Variants in MFSD8 observed in about 807,000 individuals in gnomAD.
MFSD8 encodes major facilitator superfamily domain-containing protein 8.
A neutral mutation model predicts 66.4 loss-of-function variants in MFSD8; 55 were observed. The ratio of observed to expected loss-of-function variants is 0.83; its 90% CI spans 0.67 to 1.04. MFSD8 has a LOEUF of 1.04. Among genes scored for constraint, MFSD8 ranks in the 50% least tolerant of loss-of-function variants. The probability of loss-of-function intolerance (pLI) is 0.00; values close to 1 mark genes in which losing one functional copy is unlikely to be tolerated. For missense variants in MFSD8, 550 were observed against 627.6 expected (o/e 0.88, Z 1.32); for synonymous variants, 202 against 212.8 (o/e 0.95, Z 0.44).
At chr4:127,934,497 C>T (rs1469145490) in intron 7 of MFSD8, 1 of 151,744 alleles carries the variant, frequency 6.6e-6, no homozygotes, top group East Asian at 1.9e-4. Flanking sequence ...ATATTCATCA[C>T]ACTGTTTTGT....
intron 3 of MFSD8, among the ~76,000 whole-genome samples, chr4:127,947,893 C>A (rs1003695098): frequency 4.0e-5 from 6 of 149,846 alleles, no homozygotes; most frequent in Non-Finnish European, 7.4e-5. Context: ...CACACACACA[C>A]ACACACTCTC....
At chr4:127,921,498 T>C (rs368000958) in intron 11 of MFSD8, 26 bp downstream of exon 11, 29 of 1,613,830 alleles carry the variant, frequency 1.8e-5, no homozygotes, top group African/African-American at 1.3e-4. Context: ...TTTTCTATAA[T>C]TGCAATGTCA....
Position 127,921,689 on chromosome 4 carries a change from A to G in MFSD8, c.1185T>C (p.Asn395=). 1 of 1,614,192 alleles carries G rather than the reference A, an allele frequency of 6.2e-7. No individual in the cohort carries two copies. Among genetic ancestry groups the G allele is most frequent in the South Asian group, 1.1e-5 (1 of 91,090 alleles). ...GLWKSPMEDD[N]ERPTGCSIEQ... The stretch of plus-strand genomic sequence containing the variant: ...CAATCGAGCAACCAGTTGGTCTTTC[A>G]TTGTCATCTTCCATTGGAGACTTCC... The change falls in exon 11 of 12, where the codon AAT becomes AAC. Residue 395 remains asparagine, a synonymous_variant. Transcript: ENST00000641686.
intron 1 of MFSD8, among the ~76,000 whole-genome samples, chr4:127,963,632 G>GT (rs1252934217): frequency 3.9e-5 from 6 of 152,170 alleles, no homozygotes; most frequent in Non-Finnish European, 7.3e-5. Flanking sequence ...CCTCCCCGTG[G>GT]TCTCGCTGGC....
chr4:127,946,106 G>A (rs1306218981), intron 3 of MFSD8, among the ~76,000 whole-genome samples: 1 of 151,816 alleles, frequency 6.6e-6, no homozygotes, highest in Non-Finnish European at 1.5e-5. Context: ...AAATTTTTTT[G>A]TAGAGACGAG....
intron 2 of MFSD8, among the ~76,000 whole-genome samples, chr4:127,957,066 T>C (rs1451938507): frequency 2.0e-5 from 3 of 152,142 alleles, no homozygotes; most frequent in African/African-American, 7.2e-5. Flanking sequence ...CTAGAATACA[T>C]ATAATGAACT....
At chr4:127,921,406 C>T (rs1736317638) in intron 11 of MFSD8, 118 bp downstream of exon 11, 4 of 1,529,800 alleles carry the variant, frequency 2.6e-6, no homozygotes, top group Non-Finnish European at 3.6e-6. Flanking sequence ...ATTTTAAATG[C>T]TGAATATGAT....
intron 8 of MFSD8, among the ~76,000 whole-genome samples, chr4:127,931,149 T>C (rs1229091035): frequency 6.6e-6 from 1 of 152,130 alleles, no homozygotes; most frequent in Non-Finnish European, 1.5e-5. Context: ...TAAATAATCA[T>C]GGTTATATTT....
At chr4:127,957,148 A>C (rs1743023378) in intron 2 of MFSD8, among the ~76,000 whole-genome samples, 2 of 152,180 alleles carry the variant, frequency 1.3e-5, no homozygotes, top group East Asian at 3.8e-4. Context: ...GAGTGAAATA[A>C]TCTCATCACA....
intron 1 of MFSD8, among the ~76,000 whole-genome samples, chr4:127,960,631 A>C (rs1258174046): frequency 2.0e-5 from 3 of 152,242 alleles, no homozygotes; most frequent in Non-Finnish European, 4.4e-5. Flanking sequence ...AAAATATTCT[A>C]TAAAGATATG....
chr4:127,921,474 T>G (rs1172692046), intron 11 of MFSD8, 50 bp downstream of exon 11: 6 of 1,612,458 alleles, frequency 3.7e-6, no homozygotes, highest in Non-Finnish European at 5.1e-6. Flanking sequence ...AAATGTTGAG[T>G]GCTTACAAGT....
At chr4:127,949,166 A>C (rs1006155079) in intron 3 of MFSD8, among the ~76,000 whole-genome samples, 2 of 152,248 alleles carry the variant, frequency 1.3e-5, no homozygotes, top group Non-Finnish European at 2.9e-5. Flanking sequence ...GGAACTCTTT[A>C]AGAACCTTTA....
chr4:127,947,962 G>T (rs994273963), intron 3 of MFSD8, among the ~76,000 whole-genome samples: 10 of 151,082 alleles, frequency 6.6e-5, no homozygotes, highest in Non-Finnish European at 1.2e-4. Flanking sequence ...ATACACAAAA[G>T]AATTTAAGAA....
chr4:127,937,026 C>A (rs1408551432), intron 7 of MFSD8, among the ~76,000 whole-genome samples: 1 of 152,190 alleles, frequency 6.6e-6, no homozygotes, highest in Non-Finnish European at 1.5e-5. Flanking sequence ...GCACTGCTGG[C>A]ACTTCACCTC....
At chr4:127,965,370 G>C (rs1365142489), upstream of MFSD8, 13 of 607,612 alleles carry the variant, frequency 2.1e-5, no homozygotes, top group Admixed American at 5.6e-5. Context: ...CCATCCTGAC[G>C]GGGACTGAGA....
At chr4:127,959,802 T>C (rs1343265847) in intron 1 of MFSD8, among the ~76,000 whole-genome samples, 2 of 152,168 alleles carry the variant, frequency 1.3e-5, no homozygotes, top group Non-Finnish European at 1.5e-5. Context: ...ATAACTTCAA[T>C]GAAAAAAATT....
intron 9 of MFSD8, among the ~76,000 whole-genome samples, chr4:127,922,487 T>C (rs1433851334): frequency 2.6e-5 from 4 of 151,008 alleles, no homozygotes; most frequent in African/African-American, 9.8e-5. Flanking sequence ...TAGCCAGGAG[T>C]GGTATTTGGT....
upstream of MFSD8, chr4:127,965,280 A>G (rs1744897167): frequency 1.0e-6 from 1 of 1,001,026 alleles, no homozygotes. Context: ...CCGAGGTCAT[A>G]GGCGGGGTCA....
chr4:127,956,064 A>G (rs1742809048), intron 2 of MFSD8, among the ~76,000 whole-genome samples: 1 of 151,934 alleles, frequency 6.6e-6, no homozygotes, highest in Non-Finnish European at 1.5e-5. Context: ...GGTTGCAGTA[A>G]GCCGAGATCA....
Sources: allele counts gnomAD v4.1 joint callset (sites outside exome capture counted in the v4.1 genomes callset), GRCh38; gene constraint gnomAD v4.1.1; transcripts MANE v1.5; gene names NCBI Gene and HGNC (gene_info 2026-07-23, HGNC 2026-07-21).